The following BAP1 variants were observed in gnomAD, a reference collection of about 807,000 sequenced individuals.
BAP1 encodes ubiquitin carboxyl-terminal hydrolase BAP1.
Under a neutral mutation model 77.2 loss-of-function variants are expected in BAP1, and 16 were observed. That is an observed-to-expected ratio of 0.21 (90% CI 0.14 to 0.31). The LOEUF (loss-of-function observed/expected upper bound fraction) is 0.31. Among genes scored for constraint, BAP1 ranks in the 10% least tolerant of loss-of-function variants. The pLI, the probability that BAP1 is intolerant of heterozygous loss-of-function variation, is 1.00. For synonymous variants in BAP1, 362 were observed against 385.2 expected (o/e 0.94, Z 0.71); for missense variants, 699 against 967.3 (o/e 0.72, Z 3.68).
Position 52,401,844 on chromosome 3 carries a change from G to A in BAP1, c.*444C>T, listed in dbSNP as rs123598. On this transcript the variant is annotated 3_prime_UTR_variant, in exon 17 of 17. Transcript: ENST00000460680. Reference sequence around the variant, plus strand: ...GCCCCCAGCTAGGACCCTGTAGTTGGGACCGTGGCATGATACAAGGACCTG... The same window carrying A: ...GCCCCCAGCTAGGACCCTGTAGTTGAGACCGTGGCATGATACAAGGACCTG... 0.038 allele frequency: 11,131 copies of A among 292,396 alleles called. 284 individuals are homozygous for A. The highest frequency in any genetic ancestry group is 0.049 in the Non-Finnish European group (7,512 of 152,618). The allele number at this position is 292,396 out of a possible 1,614,324, so 18.1% of individuals were successfully genotyped here. A position where few individuals can be genotyped will look rare whatever the true frequency, so the allele number is the denominator to read the frequency against.
Position 52,402,509 on chromosome 3 carries a change from C to G in BAP1, c.2057-88G>C. The G allele has an allele frequency of 6.2e-7, 1 of 1,607,866 alleles. No homozygotes were observed. The highest frequency in any genetic ancestry group is 8.5e-7 in the Non-Finnish European group (1 of 1,176,950). ...CATGGCCCTCCCTGTGCCCCAAGGTCTGCTCAAGCCTCAGGAGAGGCCAGG... is the reference window on the plus strand; with the variant it reads ...CATGGCCCTCCCTGTGCCCCAAGGTGTGCTCAAGCCTCAGGAGAGGCCAGG... On this transcript the variant is annotated intron_variant, in intron 16 of 16. Transcript: ENST00000460680. The surrounding 1 kb of genome is among the most constrained non-coding windows in gnomAD (Gnocchi z 5.3).
intron 11 of BAP1, among the ~76,000 whole-genome samples, 174 bp from the exon 12 acceptor site, chr3:52,404,760 GGAT>G (rs370182914): frequency 7.3e-4 from 111 of 152,280 alleles, no homozygotes; most frequent in African/African-American, 2.5e-3. Flanking sequence ...CACTTACACT[GGAT>G]AGAACCCCAC....
Position 52,401,052 on chromosome 3 carries a change from A to AGC in BAP1, c.*1235_*1236insGC. ...GAGAGTTTTATTCATTCATTGATCC[A>AGC]GTATTTACAGGGGCTAGAGGGGTCA... On this transcript the variant is annotated 3_prime_UTR_variant, in exon 17 of 17. Transcript: ENST00000460680. The AGC allele has an allele frequency of 4.3e-6, 1 of 232,040 alleles. No individual in the cohort carries two copies. The highest frequency in any genetic ancestry group is 8.5e-6 in the Non-Finnish European group (1 of 117,256). The allele number at this position is 232,040 out of a possible 1,614,324, so 14.4% of individuals were successfully genotyped here.
chr3:52,409,828 G>C lies in BAP1; in HGVS notation c.37+14C>G, dbSNP rs1406194365. 3.7e-6 allele frequency: 6 copies of C among 1,612,536 alleles called. No homozygotes were observed. In the South Asian group the frequency reaches 5.5e-5, roughly 15 times the overall value. On this transcript the variant is annotated intron_variant, in intron 1 of 16. Transcript: ENST00000460680. Reference sequence around the variant, plus strand: ...GGCCTCCCCAGCCCCTGGCCCTCCCGGTCCCCTCCTCACCTGGGTCGCTCT... The same window carrying C: ...GGCCTCCCCAGCCCCTGGCCCTCCCCGTCCCCTCCTCACCTGGGTCGCTCT...
Position 52,408,545 on chromosome 3 carries a change from C to G in BAP1, c.184G>C (p.Val62Leu), listed in dbSNP as rs759957857. 6.2e-7 allele frequency: 1 copy of G among 1,611,786 alleles called. No homozygotes were observed. Among genetic ancestry groups the G allele is most frequent in the African/African-American group, 1.3e-5 (1 of 74,926 alleles). The stretch of plus-strand genomic sequence containing the variant: ...GACGTATCATCCACCAAGGTAGAGA[C>G]CTTTCGCCGGGACCGGCGCTCTTCG... Reference protein sequence around the residue: ...WIEERRSRRKVSTLVDDTSVI... With the variant: ...WIEERRSRRKLSTLVDDTSVI... The change falls in exon 4 of 17, where the codon GTC (valine) becomes CTC (leucine). Residue 62 changes from valine to leucine, a missense_variant. Val to Leu is a conservative substitution (Grantham distance 32, BLOSUM62 1). Around this residue, in one of 3 missense-constraint regions of BAP1, gnomAD observed 160 missense variants for 322.8 expected, o/e 0.50. Transcript: ENST00000460680.
chr3:52,405,231 G>A lies in BAP1; in HGVS notation c.995C>T (p.Pro332Leu), dbSNP rs772070350. ...GCCTGGAGGCTTCACCACTAGCTTG[G>A]GTTTGTTGGGAGGGCTGTGGGATGG... Reference protein sequence around the residue: ...QAPSHSPPNKPKLVVKPPGSS... With the variant: ...QAPSHSPPNKLKLVVKPPGSS... Residue 332 changes from proline (P) to leucine (L), a missense_variant, in exon 11 of 17, where the codon CCC becomes CTC. Coordinates refer to ENST00000460680, the MANE Select transcript of BAP1 (RefSeq NM_004656.4). 10 of 1,614,112 alleles carry A rather than the reference G, an allele frequency of 6.2e-6. No individual in the cohort carries two copies. Among genetic ancestry groups the A allele is most frequent in the Non-Finnish European group, 8.5e-6 (10 of 1,180,020 alleles).
intron 3 of BAP1, 25 bp downstream of exon 3, chr3:52,409,529 G>A (rs1181114874): frequency 6.2e-7 from 1 of 1,614,054 alleles, no homozygotes; most frequent in East Asian, 2.2e-5. Context: ...GGTGTAAGGG[G>A]CAGCCCTGGT....
chr3:52,406,582 G>A lies in BAP1; in HGVS notation c.660-206C>T. The A allele has an allele frequency of 2.2e-6, 2 of 927,980 alleles. No individual in the cohort carries two copies. The highest frequency in any genetic ancestry group is 3.1e-5 in the South Asian group (2 of 63,780). The allele number at this position is 927,980 out of a possible 1,614,324, so 57.5% of individuals were successfully genotyped here. ...AGCTGTATGAGGGGCCTATCTGGAA[G>A]TGAACCAGCAGACCTGGGCTGCCTA... is the stretch of plus-strand genomic sequence containing the variant. On this transcript the variant is annotated intron_variant, in intron 8 of 16. Coordinates refer to ENST00000460680, the MANE Select transcript of BAP1 (RefSeq NM_004656.4). This position sits in a 1 kb window ranked among gnomAD's most constrained non-coding sequence, Gnocchi z 4.6.
rs1338737207 is a variant in BAP1, at chr3:52,403,219, G to T, written c.1809C>A (p.Val603=). ...TCTCTCTGCTGTCCGTGGCTTCCAC[G>T]ACCTCCTTCTCCACTGGGCTGCTGG... ...QGSSSPVEKE[V]VEATDSREKT... The change falls in exon 14 of 17, where the codon GTC becomes GTA. Residue 603 remains valine (V), a synonymous_variant. Transcript: ENST00000460680. This position sits in a 1 kb window ranked among gnomAD's most constrained non-coding sequence, Gnocchi z 4.0. The T allele has an allele frequency of 6.2e-7, 1 of 1,614,126 alleles. No individual in the cohort carries two copies. Among genetic ancestry groups the T allele is most frequent in the East Asian group, 2.2e-5 (1 of 44,882 alleles).
chr3:52,405,492 G>GA (rs71084182), intron 10 of BAP1, 198 bp from the exon 11 acceptor site: 2,430 of 80,988 alleles, frequency 0.03, 27 homozygotes, highest in South Asian at 0.065. Context: ...GAAGCAGGAA[G>GA]AAAAAAAAAA....
intron 3 of BAP1, among the ~76,000 whole-genome samples, chr3:52,409,285 CCCG>C (rs1315281952): frequency 6.6e-6 from 1 of 152,242 alleles, no homozygotes; most frequent in Non-Finnish European, 1.5e-5. Flanking sequence ...CCGGGGTCTT[CCCG>C]CTGCAAGGCC....
chr3:52,405,048 T>C (rs1705103873), intron 11 of BAP1, 62 bp downstream of exon 11: 2 of 1,602,652 alleles, frequency 1.2e-6, no homozygotes, highest in Admixed American at 3.3e-5. Flanking sequence ...ATGGGAAAAT[T>C]GCCTGTTGCA....
rs1440762652 is a variant in BAP1, at chr3:52,406,951, A to C, written c.581-44T>G. ...AGGAATCAGCGAGAAGGAAACCCTGAGTTTGGGCAGGCCAGGAGTGGGAAG... is the reference window on the plus strand; with the variant it reads ...AGGAATCAGCGAGAAGGAAACCCTGCGTTTGGGCAGGCCAGGAGTGGGAAG... On this transcript the variant is annotated intron_variant, in intron 7 of 16. Coordinates refer to ENST00000460680, the MANE Select transcript of BAP1 (RefSeq NM_004656.4). This position sits in a 1 kb window ranked among gnomAD's most constrained non-coding sequence, Gnocchi z 4.6. The C allele has an allele frequency of 6.5e-7, 1 of 1,550,360 alleles. No homozygotes were observed. The highest frequency in any genetic ancestry group is 8.7e-7 in the Non-Finnish European group (1 of 1,143,796).
Sources: allele counts gnomAD v4.1 joint callset (sites outside exome capture counted in the v4.1 genomes callset), GRCh38; gene constraint gnomAD v4.1.1; regional missense constraint gnomAD v4.1.1; non-coding constraint Gnocchi (gnomAD v3.1); transcripts MANE v1.5; gene names NCBI Gene and HGNC (gene_info 2026-07-23, HGNC 2026-07-21).